CNOT6L: variants seen among roughly 807,000 people sequenced by gnomAD.
The protein encoded by CNOT6L is CCR4-NOT transcription complex subunit 6 like.
In CNOT6L, 7 loss-of-function variants were observed where a neutral mutation model predicts 64.0. That is an observed-to-expected ratio of 0.11 (90% CI 0.06 to 0.21). CNOT6L has a LOEUF of 0.21. Ranked by LOEUF, CNOT6L falls within the 10% of genes least tolerant of loss-of-function variation. The pLI, the probability that CNOT6L is intolerant of heterozygous loss-of-function variation, is 1.00. For synonymous variants in CNOT6L, 193 were observed against 243.4 expected (o/e 0.79, Z 1.93); for missense variants, 245 against 669.0 (o/e 0.37, Z 6.99).
intron 1 of CNOT6L, among the ~76,000 whole-genome samples, chr4:77,805,818 T>A (rs1732148686): frequency 6.6e-6 from 1 of 152,134 alleles, no homozygotes; most frequent in Non-Finnish European, 1.5e-5. Flanking sequence ...AGATTAAGAA[T>A]CCATGAATTA....
chr4:77,819,882 G>A (rs1734098356), upstream of CNOT6L, among the ~76,000 whole-genome samples: 1 of 151,578 alleles, frequency 6.6e-6, no homozygotes, highest in African/African-American at 2.4e-5. Flanking sequence ...CGCGCCGCCG[G>A]GCTTCGAGGA....
chr4:77,738,515 C>T (rs1577932451), intron 8 of CNOT6L, among the ~76,000 whole-genome samples: 1 of 151,986 alleles, frequency 6.6e-6, no homozygotes, highest in Non-Finnish European at 1.5e-5. Flanking sequence ...GCATTTTGGG[C>T]GGCCAAGGAG....
intron 1 of CNOT6L, among the ~76,000 whole-genome samples, chr4:77,810,230 G>T (rs897201438): frequency 6.6e-6 from 1 of 152,082 alleles, no homozygotes; most frequent in Non-Finnish European, 1.5e-5. Context: ...TGATCAGAAT[G>T]TGGATGCATG....
chr4:77,723,722 CTA>C (rs1358753726), intron 11 of CNOT6L, among the ~76,000 whole-genome samples: 3 of 152,142 alleles, frequency 2.0e-5, no homozygotes, highest in Non-Finnish European at 4.4e-5. Flanking sequence ...CTCTCTGATC[CTA>C]TCTTATACAT....
rs373365037 is a variant in CNOT6L at position 77,733,571 on chromosome 4, C to T, written c.873-2033G>A. ...AACTTCTATGGTATACTTACAGGAA[C>T]CTAGGATTCTGTACAAAAGTCTTAA... On this transcript the variant is annotated intron_variant, in intron 8 of 11. Coordinates refer to ENST00000504123, the MANE Select transcript of CNOT6L (RefSeq NM_144571.3). 1.8e-4 allele frequency among the ~76,000 whole-genome samples: 27 copies of T among 152,028 alleles called. 3 individuals are homozygous for T. Among genetic ancestry groups the T allele is most frequent in the Admixed American group, 1.2e-3 (19 of 15,242 alleles).
chr4:77,751,891 G>T (rs530361112), intron 5 of CNOT6L, among the ~76,000 whole-genome samples: 3 of 152,170 alleles, frequency 2.0e-5, no homozygotes, highest in African/African-American at 7.2e-5. Context: ...CTAAAAGAGG[G>T]CCAGATGCAG....
intron 1 of CNOT6L, among the ~76,000 whole-genome samples, chr4:77,797,284 G>C (rs1730977712): frequency 6.6e-6 from 1 of 151,424 alleles, no homozygotes; most frequent in South Asian, 2.1e-4. Context: ...CTTATCTACA[G>C]TTTCACTGCA....
chr4:77,725,362 G>A (rs2109866896), intron 11 of CNOT6L, among the ~76,000 whole-genome samples: 1 of 152,142 alleles, frequency 6.6e-6, no homozygotes, highest in East Asian at 1.9e-4. Context: ...TCTAACACTT[G>A]GATTTTTCCA....
chr4:77,807,093 T>C lies in CNOT6L; in HGVS notation c.5+12211A>G, dbSNP rs146594939. On this transcript the variant is annotated intron_variant, in intron 1 of 11. Coordinates refer to ENST00000504123, the MANE Select transcript of CNOT6L (RefSeq NM_144571.3). ...GATTTCACCATGTTGGCCAGGATGG[T>C]CTCGATCTCCTGACCTGGTGATCCG... is the stretch of plus-strand genomic sequence containing the variant. Among the ~76,000 whole-genome samples, 645 of 152,046 alleles carry C rather than the reference T, an allele frequency of 4.2e-3. 7 individuals are homozygous for C. Among genetic ancestry groups the C allele is most frequent in the African/African-American group, 0.015 (624 of 41,416 alleles).
intron 1 of CNOT6L, among the ~76,000 whole-genome samples, chr4:77,800,634 T>C (rs1731425021): frequency 6.6e-6 from 1 of 152,198 alleles, no homozygotes; most frequent in South Asian, 2.1e-4. Context: ...TATTTTAATG[T>C]TAGATAAACA....
intron 1 of CNOT6L, among the ~76,000 whole-genome samples, chr4:77,779,211 G>T (rs564471596): frequency 6.6e-6 from 1 of 151,598 alleles, no homozygotes; most frequent in Non-Finnish European, 1.5e-5. Context: ...TACAGTTCCC[G>T]CCACATAGGA....
intron 8 of CNOT6L, among the ~76,000 whole-genome samples, chr4:77,741,391 T>C (rs991578687): frequency 6.6e-6 from 1 of 152,192 alleles, no homozygotes; most frequent in African/African-American, 2.4e-5. Context: ...AGCATGTATA[T>C]GCTTATCCTG....
chr4:77,777,660 C>T (rs190640060), intron 1 of CNOT6L, among the ~76,000 whole-genome samples: 3 of 152,278 alleles, frequency 2.0e-5, no homozygotes, highest in East Asian at 1.9e-4. Context: ...ATATTGGGTT[C>T]TTTGCTCATA....
chr4:77,753,662 C>T (rs1560589799), intron 5 of CNOT6L, among the ~76,000 whole-genome samples: 1 of 151,998 alleles, frequency 6.6e-6, no homozygotes, highest in East Asian at 1.9e-4. Context: ...CAGAGCATAA[C>T]TCCATCTCAT....
rs192484775 is a variant in CNOT6L at position 77,774,803 on chromosome 4, G to A, written c.128-87C>T. The A allele has an allele frequency of 1.5e-4, 121 of 784,206 alleles. 1 individual carries two copies. The East Asian group carries it at 3.0e-3, about 20-fold the overall frequency. The allele number at this position is 784,206 out of a possible 1,614,324, so 48.6% of individuals were successfully genotyped here. A position where few individuals can be genotyped will look rare whatever the true frequency, so the allele number is the denominator to read the frequency against. ...CAACGACTGAAAAGTGGTAAGAGAG[G>A]CTGCAAATACACATGGATATTGTAT... On this transcript the variant is annotated intron_variant, in intron 2 of 11. Transcript: ENST00000504123.
intron 4 of CNOT6L, among the ~76,000 whole-genome samples, chr4:77,765,989 T>C (rs1726775676): frequency 6.6e-6 from 1 of 152,214 alleles, no homozygotes; most frequent in East Asian, 1.9e-4. Flanking sequence ...TGAGTAATAA[T>C]GTTCTTTTTC....
intron 8 of CNOT6L, among the ~76,000 whole-genome samples, chr4:77,737,502 A>G (rs1723102411): frequency 7.5e-6 from 1 of 132,660 alleles, no homozygotes; most frequent in African/African-American, 2.8e-5. Flanking sequence ...GCTCACTGCA[A>G]CCTCTGCCTC....
chr4:77,741,670 G>T (rs1278166259), intron 8 of CNOT6L, among the ~76,000 whole-genome samples: 4 of 151,878 alleles, frequency 2.6e-5, no homozygotes, highest in African/African-American at 7.3e-5. Context: ...GACTATCTTT[G>T]TGTCTGTTGT....
chr4:77,783,150 CAAAAA>C (rs35634501), intron 1 of CNOT6L, among the ~76,000 whole-genome samples: 8 of 102,184 alleles, frequency 7.8e-5, no homozygotes, highest in East Asian at 2.8e-4. Context: ...TGTGACCACT[CAAAAA>C]AAAAAAAAAA....
Sources: gnomAD v4.1 joint callset for allele counts (sites outside exome capture counted in the v4.1 genomes callset) on GRCh38, gnomAD v4.1.1 for gene constraint, MANE v1.5 for transcripts, NCBI Gene and HGNC (gene_info 2026-07-23, HGNC 2026-07-21) for gene names.